CFAP36: variants seen among roughly 807,000 people sequenced by gnomAD.
CFAP36 encodes the protein cilia and flagella associated protein 36, also known as cilia- and flagella-associated protein 36.
A neutral mutation model predicts 50.5 loss-of-function variants in CFAP36; 37 were observed. The ratio of observed to expected loss-of-function variants is 0.73; its 90% CI spans 0.56 to 0.96. The LOEUF is 0.96. CFAP36 is among the 50% of genes least tolerant of loss of function. The probability of loss-of-function intolerance (pLI) is 0.00; values close to 1 mark genes in which losing one functional copy is unlikely to be tolerated. For synonymous variants in CFAP36, 138 were observed against 128.2 expected, an observed-to-expected ratio of 1.08 and a Z score of -0.52; for missense variants, 407 against 396.2, an observed-to-expected ratio of 1.03 and a Z score of -0.23.
intron 3 of CFAP36, among the ~76,000 whole-genome samples, chr2:55,528,567 T>A (rs892004933): frequency 2.0e-5 from 3 of 152,038 alleles, no homozygotes; most frequent in Non-Finnish European, 4.4e-5. Flanking sequence ...CTAATTTTTT[T>A]ATTTTTTTAG....
intron 6 of CFAP36, 62 bp from the exon 7 acceptor site, chr2:55,537,420 GA>G: frequency 1.8e-6 from 2 of 1,095,266 alleles, no homozygotes; most frequent in Non-Finnish European, 2.7e-6. Context: ...TTTAGGTAGT[GA>G]ATTAGTTAAA....
intron 6 of CFAP36, among the ~76,000 whole-genome samples, chr2:55,536,706 A>C (rs1156841636): frequency 6.6e-6 from 1 of 150,858 alleles, no homozygotes; most frequent in Non-Finnish European, 1.5e-5. Context: ...CCTGCCTGCC[A>C]CTGTGCCTGG....
At position 55,520,568 on chromosome 2, in the gene CFAP36, A is replaced by G. The variant is rs1301728379; in HGVS notation, c.115+652A>G. On this transcript the variant is annotated intron_variant, in intron 1 of 9. Transcript: ENST00000349456. ...AAATGAGGCGTATAGATATGGCATAATATTCCCCGTGAAGGACAGGCATCT... is the reference window on the plus strand; with the variant it reads ...AAATGAGGCGTATAGATATGGCATAGTATTCCCCGTGAAGGACAGGCATCT... The G allele has an allele frequency of 6.1e-6, 6 of 978,824 alleles. No homozygotes were observed. The African/African-American group carries it at 8.5e-5, about 14-fold the overall frequency. 60.6% of individuals were successfully genotyped at this position (978,824 alleles called of 1,614,324 possible).
At chr2:55,522,188 T>A in intron 2 of CFAP36, 22 bp downstream of exon 2, 2 of 1,280,348 alleles carry the variant, frequency 1.6e-6, no homozygotes, top group South Asian at 2.7e-5. Flanking sequence ...TTTTCACTGA[T>A]TTTTAAAAGT....
intron 4 of CFAP36, among the ~76,000 whole-genome samples, chr2:55,532,531 C>T (rs1410576500): frequency 6.6e-6 from 1 of 152,142 alleles, no homozygotes; most frequent in African/African-American, 2.4e-5. Context: ...AGCAAAAATG[C>T]ACTTAAGATT....
At chr2:55,535,244 C>T (rs1684450754) in intron 5 of CFAP36, among the ~76,000 whole-genome samples, 5 of 152,102 alleles carry the variant, frequency 3.3e-5, no homozygotes, top group Non-Finnish European at 5.9e-5. Flanking sequence ...GAACAGTTTA[C>T]AAAAGTTGAT....
chr2:55,540,210 A>C (rs140148169), intron 7 of CFAP36, among the ~76,000 whole-genome samples: 2 of 152,318 alleles, frequency 1.3e-5, no homozygotes, highest in Admixed American at 6.5e-5. Context: ...ACCATACCCA[A>C]GGTCACCTAA....
At chr2:55,532,302 A>C (rs1684374735) in intron 4 of CFAP36, among the ~76,000 whole-genome samples, 1 of 152,204 alleles carries the variant, frequency 6.6e-6, no homozygotes, top group Non-Finnish European at 1.5e-5. Context: ...TCAAAACTGC[A>C]GACTATTTGA....
intron 7 of CFAP36, among the ~76,000 whole-genome samples, chr2:55,543,110 T>G (rs141912454): frequency 6.6e-6 from 1 of 152,164 alleles, no homozygotes; most frequent in Non-Finnish European, 1.5e-5. Flanking sequence ...GGCAAAAATT[T>G]TAATCATTTA....
At chr2:55,535,617 A>G in intron 5 of CFAP36, 95 bp from the exon 6 acceptor site, 1 of 933,952 alleles carries the variant, frequency 1.1e-6, no homozygotes, top group East Asian at 2.9e-5. Flanking sequence ...TGTGCCTTTT[A>G]TTGTAAGCTT....
intron 7 of CFAP36, among the ~76,000 whole-genome samples, chr2:55,540,441 T>C (rs1202448819): frequency 6.6e-6 from 1 of 152,186 alleles, no homozygotes; most frequent in Non-Finnish European, 1.5e-5. Context: ...GGGCTCTCTA[T>C]TATGTTCTGT....
chr2:55,526,515 C>T (rs1177571324), intron 3 of CFAP36, among the ~76,000 whole-genome samples: 1 of 152,170 alleles, frequency 6.6e-6, no homozygotes, highest in African/African-American at 2.4e-5. Context: ...AGTCATAGTT[C>T]TATGCAACCT....
At chr2:55,544,404 T>TC (rs754833608) in intron 9 of CFAP36, 35 bp downstream of exon 9, 9 of 1,573,156 alleles carry the variant, frequency 5.7e-6, no homozygotes, top group Non-Finnish European at 7.7e-6. Flanking sequence ...GATTTACAAA[T>TC]CTGGTGGTGG....
intron 2 of CFAP36, among the ~76,000 whole-genome samples, 178 bp downstream of exon 2, chr2:55,522,344 A>T (rs1359454169): frequency 6.6e-6 from 1 of 152,184 alleles, no homozygotes; most frequent in African/African-American, 2.4e-5. Context: ...TCTCATTTGG[A>T]TGACTTATCT....
intron 3 of CFAP36, among the ~76,000 whole-genome samples, chr2:55,525,331 C>A (rs1488310536): frequency 6.6e-6 from 1 of 152,044 alleles, no homozygotes; most frequent in Non-Finnish European, 1.5e-5. Flanking sequence ...TGGTGGTGTT[C>A]TCCCCAGAGT....
At chr2:55,526,150 A>G in intron 3 of CFAP36, among the ~76,000 whole-genome samples, 1 of 152,248 alleles carries the variant, frequency 6.6e-6, no homozygotes, top group East Asian at 1.9e-4. Context: ...TTGTAAATTG[A>G]TATTTTTGTT....
At chr2:55,523,402 G>A (rs1029233443) in intron 2 of CFAP36, among the ~76,000 whole-genome samples, 1 of 151,838 alleles carries the variant, frequency 6.6e-6, no homozygotes, top group African/African-American at 2.4e-5. Flanking sequence ...GTGACAGAGT[G>A]AGACTCCATC....
intron 5 of CFAP36, 57 bp downstream of exon 5, chr2:55,534,017 C>T (rs1260687346): frequency 2.0e-6 from 2 of 1,025,596 alleles, no homozygotes; most frequent in Non-Finnish European, 2.9e-6. Flanking sequence ...ATGATCTGTA[C>T]ATATGCTTTT....
At chr2:55,523,208 C>T (rs948091007) in intron 2 of CFAP36, among the ~76,000 whole-genome samples, 3 of 150,330 alleles carry the variant, frequency 2.0e-5, no homozygotes, top group Middle Eastern at 3.4e-3. Flanking sequence ...GTCAGGAATT[C>T]GAGACCAGCC....
Sources: allele counts gnomAD v4.1 joint callset (sites outside exome capture counted in the v4.1 genomes callset), GRCh38; gene constraint gnomAD v4.1.1; transcripts MANE v1.5; gene names NCBI Gene and HGNC (gene_info 2026-07-23, HGNC 2026-07-21).